Variants in APAF1 observed in about 807,000 individuals in gnomAD.
The protein encoded by APAF1 is apoptotic protease-activating factor 1.
Under a neutral mutation model 152.4 loss-of-function variants are expected in APAF1, and 91 were observed. The ratio of observed to expected loss-of-function variants is 0.60; its 90% CI spans 0.50 to 0.71. The LOEUF is 0.71. Among genes scored for constraint, APAF1 ranks in the 30% least tolerant of loss-of-function variants. APAF1 has a pLI of 0.00. For missense variants in APAF1, 1,283 were observed against 1,472.0 expected (o/e 0.87, Z 2.10); for synonymous variants, 484 against 494.1 (o/e 0.98, Z 0.27).
At chr12:98,727,133 G>A (rs765980204) in intron 25 of APAF1, 40 bp from the exon 26 acceptor site, 11 of 1,604,630 alleles carry the variant, frequency 6.9e-6, no homozygotes. Context: ...AGAAGCTTCT[G>A]GATAACTCTG....
intron 7 of APAF1, among the ~76,000 whole-genome samples, chr12:98,663,338 C>G (rs548713142): frequency 6.6e-6 from 1 of 152,136 alleles, no homozygotes; most frequent in Non-Finnish European, 1.5e-5. Context: ...ACTATTAGCT[C>G]TTTGTCATAT....
At chr12:98,665,278 A>ATATATATATATATATATATATTTT (rs1491316422) in intron 7 of APAF1, among the ~76,000 whole-genome samples, 5 of 65,990 alleles carry the variant, frequency 7.6e-5, no homozygotes, top group East Asian at 5.5e-4. Flanking sequence ...ATATATATAT[A>ATATATATATATATATATATATTTT]TTTTTTTTTT....
intron 20 of APAF1, among the ~76,000 whole-genome samples, chr12:98,710,592 AT>A (rs1327258284): frequency 6.6e-6 from 1 of 151,630 alleles, no homozygotes; most frequent in African/African-American, 2.4e-5. Flanking sequence ...CATTCAAAAA[AT>A]TTTTTTTTGT....
chr12:98,650,368 C>A (rs748556478), intron 4 of APAF1, among the ~76,000 whole-genome samples: 9 of 152,002 alleles, frequency 5.9e-5, no homozygotes, highest in South Asian at 4.2e-4. Context: ...CACCTGTAAT[C>A]CCAGCTACTC....
At chr12:98,672,062 A>G (rs2097680859) in intron 12 of APAF1, among the ~76,000 whole-genome samples, 1 of 152,190 alleles carries the variant, frequency 6.6e-6, no homozygotes, top group Non-Finnish European at 1.5e-5. Flanking sequence ...AAAACCTAAT[A>G]ATTCTGTGAC....
chr12:98,715,579 T>C (rs2097733885), intron 22 of APAF1, 27 bp downstream of exon 22: 1 of 1,611,788 alleles, frequency 6.2e-7, no homozygotes, highest in Non-Finnish European at 8.5e-7. Context: ...ACTCTTAACA[T>C]ATTTAATGCT....
Position 98,699,505 on chromosome 12 carries a change from T to C in APAF1, c.2402T>C (p.Val801Ala), listed in dbSNP as rs1265368365. Reference sequence around the variant, plus strand: ...CCTCAAGAGGATATGGAAGTGATAGTGAAGTGTTGTTCGTGGTCTGCTGAT... The same window carrying C: ...CCTCAAGAGGATATGGAAGTGATAGCGAAGTGTTGTTCGTGGTCTGCTGAT... ...EDPQEDMEVI[V>A]KCCSWSADGA... Residue 801 changes from valine to alanine, a missense_variant, in exon 17 of 27, where the codon GTG becomes GCG. Physicochemically the swap from Val to Ala is moderately conservative, Grantham distance 64 (BLOSUM62 0). Transcript: ENST00000551964. The C allele has an allele frequency of 1.9e-6, 3 of 1,614,212 alleles. No individual in the cohort carries two copies. The highest frequency in any genetic ancestry group is 1.3e-5 in the African/African-American group (1 of 75,062).
chr12:98,689,480 G>A (rs962038468), intron 16 of APAF1, among the ~76,000 whole-genome samples: 1 of 145,444 alleles, frequency 6.9e-6, no homozygotes, highest in Non-Finnish European at 1.5e-5. Flanking sequence ...GTGTCTGTGT[G>A]TGTGTGTGTG....
intron 12 of APAF1, 39 bp from the exon 13 acceptor site, chr12:98,677,386 C>T (rs750038068): frequency 2.7e-5 from 44 of 1,602,334 alleles, no homozygotes; most frequent in Non-Finnish European, 3.4e-5. Flanking sequence ...CTTTTACTCT[C>T]ATTTATTTAA....
At chr12:98,660,225 G>A (rs1017553015) in intron 5 of APAF1, among the ~76,000 whole-genome samples, 1 of 151,926 alleles carries the variant, frequency 6.6e-6, no homozygotes, top group East Asian at 2.0e-4. Context: ...ACACACCTGT[G>A]GTCCCAGCTA....
intron 22 of APAF1, among the ~76,000 whole-genome samples, chr12:98,722,725 G>T (rs772583649): frequency 6.6e-6 from 1 of 152,158 alleles, no homozygotes; most frequent in African/African-American, 2.4e-5. Flanking sequence ...TTTGAAGCTT[G>T]GGAACTCTTG....
intron 22 of APAF1, among the ~76,000 whole-genome samples, chr12:98,720,270 TTAAG>T (rs2097740626): frequency 6.6e-6 from 1 of 152,204 alleles, no homozygotes; most frequent in Admixed American, 6.5e-5. Flanking sequence ...GAAATATGAG[TTAAG>T]TAGTTGTGTT....
At chr12:98,694,337 C>T (rs964359521) in intron 16 of APAF1, among the ~76,000 whole-genome samples, 1 of 152,182 alleles carries the variant, frequency 6.6e-6, no homozygotes, top group Non-Finnish European at 1.5e-5. Flanking sequence ...AAACTGCCTA[C>T]AGAATGGTGG....
At chr12:98,726,944 C>CT (rs2153345127) in intron 25 of APAF1, among the ~76,000 whole-genome samples, 1 of 152,196 alleles carries the variant, frequency 6.6e-6, no homozygotes, top group African/African-American at 2.4e-5. Context: ...ATTTATGCCT[C>CT]TGTTTCTTTT....
chr12:98,653,672 AAAAAAAAAAAAAAAAAAAAATAT>A (rs2097651826), intron 4 of APAF1, among the ~76,000 whole-genome samples: 1 of 53,420 alleles, frequency 1.9e-5, no homozygotes, highest in Non-Finnish European at 3.9e-5. Flanking sequence ...AAAAAAAAAA[AAAAAAAAAAAAAAAAAAAAATAT>A]ATATATATAT....
intron 9 of APAF1, among the ~76,000 whole-genome samples, chr12:98,667,245 G>A (rs915182116): frequency 3.5e-4 from 53 of 151,880 alleles, no homozygotes; most frequent in Non-Finnish European, 1.2e-4. Context: ...GCAGGCATAT[G>A]CCACCACACC....
intron 22 of APAF1, among the ~76,000 whole-genome samples, chr12:98,716,316 C>G (rs923997557): frequency 6.6e-6 from 1 of 152,210 alleles, no homozygotes; most frequent in Non-Finnish European, 1.5e-5. Flanking sequence ...TGCATGCACA[C>G]GTTCACAGAC....
At position 98,723,252 on chromosome 12, in the gene APAF1, A is replaced by G. The variant is rs1262932518; in HGVS notation, c.3144A>G (p.Lys1048=). 2 of 1,613,558 alleles carry G rather than the reference A, an allele frequency of 1.2e-6. No individual in the cohort carries two copies. Among genetic ancestry groups the G allele is most frequent in the East Asian group, 2.2e-5 (1 of 44,832 alleles). The change falls in exon 23 of 27, where the codon AAA becomes AAG. Residue 1048 remains lysine (K), a synonymous_variant. Transcript: ENST00000551964. ...IFLRGHQETV[K]DFRLLKNSRL... ...TACGAGGCCATCAGGAAACAGTGAA[A>G]GACTTTAGACTCTTGAAAAATTCAA...
chr12:98,647,220 A>G (rs1280536862), intron 1 of APAF1, among the ~76,000 whole-genome samples: 1 of 150,960 alleles, frequency 6.6e-6, no homozygotes, highest in Non-Finnish European at 1.5e-5. Flanking sequence ...ATTCAAGACC[A>G]GCCTGGTCAA....
Sources: gnomAD v4.1 joint callset for allele counts (sites outside exome capture counted in the v4.1 genomes callset) on GRCh38, gnomAD v4.1.1 for gene constraint, MANE v1.5 for transcripts, NCBI Gene and HGNC (gene_info 2026-07-23, HGNC 2026-07-21) for gene names.